ABTB3: variants seen among roughly 807,000 people sequenced by gnomAD.
The protein encoded by ABTB3 is ankyrin repeat- and BTB/POZ domain-containing protein 3.
the ABTB3 span, among the ~76,000 whole-genome samples, chr12:107,644,147 G>C: frequency 6.6e-6 from 1 of 152,220 alleles, no homozygotes; most frequent in East Asian, 1.9e-4. Context: ...TCTAGTTAGC[G>C]ATAGAGCCAG....
At chr12:107,579,115 A>G in the ABTB3 span, among the ~76,000 whole-genome samples, 1 of 152,226 alleles carries the variant, frequency 6.6e-6, no homozygotes, top group Non-Finnish European at 1.5e-5. Flanking sequence ...GTCAGGAGGA[A>G]CGTCTAGGGA....
the ABTB3 span, among the ~76,000 whole-genome samples, chr12:107,398,483 C>T: frequency 2.6e-5 from 4 of 152,324 alleles, no homozygotes; most frequent in African/African-American, 9.6e-5. Flanking sequence ...CAGGCTTGCC[C>T]GTTGCTGGGG....
At chr12:107,582,516 AC>A in the ABTB3 span, among the ~76,000 whole-genome samples, 1 of 152,274 alleles carries the variant, frequency 6.6e-6, no homozygotes, top group East Asian at 1.9e-4. Flanking sequence ...CATGCCTTGT[AC>A]CTTGTCACCT....
chr12:107,439,775 C>T, the ABTB3 span, among the ~76,000 whole-genome samples: 5 of 152,194 alleles, frequency 3.3e-5, no homozygotes, highest in South Asian at 2.1e-4. Context: ...ATCATTACCA[C>T]CATCAAGGCC....
chr12:107,383,604 G>A, the ABTB3 span, among the ~76,000 whole-genome samples: 2 of 152,218 alleles, frequency 1.3e-5, no homozygotes, highest in African/African-American at 4.8e-5. Context: ...GTTATTATCA[G>A]TGTTGCTTTC....
the ABTB3 span, among the ~76,000 whole-genome samples, chr12:107,366,701 G>A: frequency 6.6e-6 from 1 of 152,180 alleles, no homozygotes; most frequent in Non-Finnish European, 1.5e-5. Context: ...AAGTGAAAAT[G>A]GGGTGGAAAA....
the ABTB3 span, among the ~76,000 whole-genome samples, chr12:107,363,446 A>T: frequency 6.6e-6 from 1 of 152,236 alleles, no homozygotes; most frequent in Non-Finnish European, 1.5e-5. Context: ...TTAAAGAAAT[A>T]ATTTTTGATT....
chr12:107,599,412 G>A, the ABTB3 span, among the ~76,000 whole-genome samples: 16 of 152,196 alleles, frequency 1.1e-4, no homozygotes, highest in African/African-American at 3.4e-4. Context: ...TGCTGTGTCC[G>A]CATGCATTTC....
At chr12:107,525,632 A>G in the ABTB3 span, among the ~76,000 whole-genome samples, 257 of 152,312 alleles carry the variant, frequency 1.7e-3, 2 homozygotes, top group East Asian at 0.023. Flanking sequence ...CTCAGAACCC[A>G]TCCCTGTTGT....
chr12:107,618,481 C>T, the ABTB3 span: 15 of 970,622 alleles, frequency 1.5e-5, no homozygotes, highest in East Asian at 1.1e-4. Flanking sequence ...ATGCAAAACA[C>T]GCACATGCAC....
chr12:107,324,837 A>G, the ABTB3 span, among the ~76,000 whole-genome samples: 1 of 152,358 alleles, frequency 6.6e-6, no homozygotes, highest in Non-Finnish European at 1.5e-5. Context: ...ATGAAAAGGA[A>G]AGGGAGAAAG....
At chr12:107,510,659 G>A in the ABTB3 span, among the ~76,000 whole-genome samples, 1 of 152,078 alleles carries the variant, frequency 6.6e-6, no homozygotes, top group Admixed American at 6.6e-5. Context: ...TCATGCCTGT[G>A]AAAGGAATCC....
At chr12:107,488,832 A>G in the ABTB3 span, among the ~76,000 whole-genome samples, 6 of 152,142 alleles carry the variant, frequency 3.9e-5, no homozygotes, top group Non-Finnish European at 7.4e-5. Flanking sequence ...AGAAAAGCTC[A>G]AAAAGACCGT....
At chr12:107,654,840 A>ACACG in the ABTB3 span, among the ~76,000 whole-genome samples, 2 of 150,246 alleles carry the variant, frequency 1.3e-5, no homozygotes, top group African/African-American at 2.5e-5. Context: ...ACACACACAC[A>ACACG]CACACACACA....
At chr12:107,586,079 G>A in the ABTB3 span, among the ~76,000 whole-genome samples, 13 of 152,088 alleles carry the variant, frequency 8.5e-5, no homozygotes, top group African/African-American at 2.9e-4. Flanking sequence ...CAGGGTGTAG[G>A]GGTAGAGAGG....
the ABTB3 span, among the ~76,000 whole-genome samples, chr12:107,622,347 A>G: frequency 6.6e-6 from 1 of 152,176 alleles, no homozygotes; most frequent in South Asian, 2.1e-4. Flanking sequence ...GAGGGAGATG[A>G]TGACAGAGAA....
the ABTB3 span, among the ~76,000 whole-genome samples, chr12:107,490,519 TGGATATTTACCAGGTGAGAGCCAACCCA>T: frequency 6.6e-6 from 1 of 152,244 alleles, no homozygotes; most frequent in East Asian, 1.9e-4. Flanking sequence ...GAGAGGGATG[TGGATATTTACCAGGTGAGAGCCAACCCA>T]GGAAGCTCTC....
At chr12:107,430,594 C>T in the ABTB3 span, among the ~76,000 whole-genome samples, 1 of 152,148 alleles carries the variant, frequency 6.6e-6, no homozygotes, top group Non-Finnish European at 1.5e-5. Flanking sequence ...TCTATCCATC[C>T]GTCCGTCCAT....
At chr12:107,337,950 C>T in the ABTB3 span, among the ~76,000 whole-genome samples, 1 of 152,144 alleles carries the variant, frequency 6.6e-6, no homozygotes, top group East Asian at 1.9e-4. Context: ...TCTAATTCTT[C>T]ATTCAGGAAA....
Sources: gnomAD v4.1 joint callset for allele counts (sites outside exome capture counted in the v4.1 genomes callset) on GRCh38, gnomAD v4.1.1 for gene constraint, MANE v1.5 for transcripts, NCBI Gene and HGNC (gene_info 2026-07-23, HGNC 2026-07-21) for gene names.